TLE4: variants seen among roughly 807,000 people sequenced by gnomAD.
TLE4 encodes transducin-like enhancer protein 4.
In TLE4, 8 loss-of-function variants were observed where a neutral mutation model predicts 92.8. That is an observed-to-expected ratio of 0.09 (90% CI 0.05 to 0.16). The LOEUF (loss-of-function observed/expected upper bound fraction) is 0.16. Among genes scored for constraint, TLE4 ranks in the 10% least tolerant of loss-of-function variants. The pLI is 1.00. For missense variants in TLE4, 675 were observed against 997.6 expected (o/e 0.68, Z 4.36); for synonymous variants, 371 against 374.1 (o/e 0.99, Z 0.10).
At chr9:79,706,940 C>CAATTTGATGTTTG (rs1187539285) in intron 11 of TLE4, 41 bp downstream of exon 11, 1 of 1,591,400 alleles carries the variant, frequency 6.3e-7, no homozygotes, top group Admixed American at 1.8e-5. Context: ...TGGCCTCTGC[C>CAATTTGATGTTTG]AATTTGATGT....
intron 6 of TLE4, among the ~76,000 whole-genome samples, chr9:79,648,492 T>C (rs1490055950): frequency 6.6e-6 from 1 of 152,078 alleles, no homozygotes; most frequent in Non-Finnish European, 1.5e-5. Flanking sequence ...TGAGCTGAGA[T>C]AGGTGAGTAC....
chr9:79,596,664 T>TAACA (rs2044111509), intron 4 of TLE4, among the ~76,000 whole-genome samples: 1 of 152,170 alleles, frequency 6.6e-6, no homozygotes, highest in East Asian at 1.9e-4. Context: ...AATCGATACC[T>TAACA]AACAATACAG....
intron 6 of TLE4, among the ~76,000 whole-genome samples, chr9:79,637,930 G>A (rs1041742601): frequency 2.0e-5 from 3 of 152,084 alleles, no homozygotes; most frequent in Non-Finnish European, 2.9e-5. Flanking sequence ...ACACAAACAA[G>A]TTTGAATCCA....
intron 14 of TLE4, among the ~76,000 whole-genome samples, chr9:79,715,992 C>T (rs945422810): frequency 5.9e-5 from 9 of 152,208 alleles, no homozygotes; most frequent in African/African-American, 1.9e-4. Flanking sequence ...TGCTTCTCCT[C>T]TAGATTACTG....
At position 79,722,987 on chromosome 9, in the gene TLE4, C is replaced by T; in HGVS notation, c.2166C>T (p.Asp722=). 1 of 1,614,216 alleles carries T rather than the reference C, an allele frequency of 6.2e-7. No homozygotes were observed. Among genetic ancestry groups the T allele is most frequent in the Non-Finnish European group, 8.5e-7 (1 of 1,180,038 alleles). The change falls in exon 19 of 20, where the codon GAC becomes GAT. Residue 722 remains aspartate, a synonymous_variant. Transcript: ENST00000376552. ...CGKWFVSTGK[D]NLLNAWRTPY... ...AATGGTTTGTAAGCACTGGAAAGGA[C>T]AACCTTCTGAATGCCTGGAGAACAC...
chr9:79,667,296 G>A (rs1257668200), intron 8 of TLE4, among the ~76,000 whole-genome samples: 2 of 152,162 alleles, frequency 1.3e-5, no homozygotes, highest in African/African-American at 2.4e-5. Flanking sequence ...ACAGGGTGTT[G>A]CTCAGCCAAC....
intron 8 of TLE4, among the ~76,000 whole-genome samples, chr9:79,655,211 A>G (rs116053772): frequency 0.011 from 1,695 of 152,316 alleles, 39 homozygotes; most frequent in African/African-American, 0.038. Context: ...TGTATTACAT[A>G]TGCCATTGTG....
intron 5 of TLE4, among the ~76,000 whole-genome samples, chr9:79,616,499 C>T (rs189283107): frequency 3.8e-4 from 58 of 152,238 alleles, no homozygotes; most frequent in Non-Finnish European, 5.0e-4. Context: ...AGCCCTCCCT[C>T]CCTTTTCTAA....
rs1041272651 is a variant in TLE4, at chr9:79,726,551, A to G, written c.*1407A>G. The stretch of plus-strand genomic sequence containing the variant: ...TCCTAATGTGGTAGCAGAAAAAAAA[A>G]AATGGTGTCTTAAGTGCTTAGTGTT... On this transcript the variant is annotated 3_prime_UTR_variant, in exon 20 of 20. Transcript: ENST00000376552. 7.2e-6 allele frequency: 1 copy of G among 138,558 alleles called. No homozygotes were observed. The highest frequency in any genetic ancestry group is 1.6e-5 in the Non-Finnish European group (1 of 62,708). The allele number at this position is 138,558 out of a possible 1,614,324, so 8.6% of individuals were successfully genotyped here. A position where few individuals can be genotyped will look rare whatever the true frequency, so the allele number is the denominator to read the frequency against.
In TLE4 at chr9:79,654,086, A is replaced by T. The variant is rs779794395; in HGVS notation, c.609+11A>T. On this transcript the variant is annotated intron_variant, in intron 8 of 19. Coordinates refer to ENST00000376552, the MANE Select transcript of TLE4 (RefSeq NM_007005.6). ...AGAGACTCCATCAAGGTAGGACTCA[A>T]AATTTACAGACTAAGGAATGGCTTA... 1 of 1,612,936 alleles carries T rather than the reference A, an allele frequency of 6.2e-7. No individual in the cohort carries two copies. Among genetic ancestry groups the T allele is most frequent in the Non-Finnish European group, 8.5e-7 (1 of 1,179,062 alleles).
At chr9:79,640,095 G>A (rs914930959) in intron 6 of TLE4, among the ~76,000 whole-genome samples, 1 of 152,074 alleles carries the variant, frequency 6.6e-6, no homozygotes, top group African/African-American at 2.4e-5. Context: ...CTAAGTGGAG[G>A]AATTCAGGAC....
At chr9:79,572,975 G>A (rs1391107948) in intron 1 of TLE4, 140 bp downstream of exon 1, 19 of 875,558 alleles carry the variant, frequency 2.2e-5, no homozygotes, top group Non-Finnish European at 1.3e-5. Flanking sequence ...GGAGCAGCCC[G>A]CCCGCCATCA....
intron 7 of TLE4, among the ~76,000 whole-genome samples, chr9:79,653,372 C>G (rs1032519844): frequency 2.6e-5 from 4 of 152,168 alleles, no homozygotes; most frequent in African/African-American, 9.7e-5. Context: ...TCCTAGAAGA[C>G]CAACATAATT....
chr9:79,615,135 T>C (rs576468625), intron 5 of TLE4, among the ~76,000 whole-genome samples: 1 of 152,312 alleles, frequency 6.6e-6, no homozygotes, highest in African/African-American at 2.4e-5. Context: ...CTGTGCATTC[T>C]GTGAGCATTG....
intron 9 of TLE4, 69 bp from the exon 10 acceptor site, chr9:79,705,820 G>T: frequency 6.8e-7 from 1 of 1,475,252 alleles, no homozygotes; most frequent in South Asian, 1.1e-5. Flanking sequence ...AATTAGTCTG[G>T]ACTTACTTAG....
intron 14 of TLE4, among the ~76,000 whole-genome samples, 173 bp from the exon 15 acceptor site, chr9:79,718,549 G>A (rs897049985): frequency 6.6e-6 from 1 of 152,316 alleles, no homozygotes; most frequent in African/African-American, 2.4e-5. Flanking sequence ...CCCTGTAGCA[G>A]CCTAGCTGTA....
intron 6 of TLE4, among the ~76,000 whole-genome samples, chr9:79,643,134 A>G (rs1001191795): frequency 2.6e-5 from 4 of 152,218 alleles, no homozygotes; most frequent in South Asian, 4.1e-4. Flanking sequence ...CTCTACAACT[A>G]CAGAGAAATT....
At chr9:79,698,932 A>G (rs1185379502) in intron 8 of TLE4, among the ~76,000 whole-genome samples, 2 of 150,894 alleles carry the variant, frequency 1.3e-5, no homozygotes, top group African/African-American at 4.9e-5. Flanking sequence ...ATAATATGTT[A>G]AAATGTTTTA....
chr9:79,647,385 A>G (rs1318897304), intron 6 of TLE4, among the ~76,000 whole-genome samples: 1 of 152,190 alleles, frequency 6.6e-6, no homozygotes, highest in Admixed American at 6.5e-5. Context: ...TATAATTCAT[A>G]ATTAGGAATT....
Sources: gnomAD v4.1 joint callset for allele counts (sites outside exome capture counted in the v4.1 genomes callset) on GRCh38, gnomAD v4.1.1 for gene constraint, MANE v1.5 for transcripts, NCBI Gene and HGNC (gene_info 2026-07-23, HGNC 2026-07-21) for gene names.